C2orf76: variants seen among roughly 807,000 people sequenced by gnomAD.
C2orf76 encodes UPF0538 protein C2orf76.
A neutral mutation model predicts 16.9 loss-of-function variants in C2orf76; 23 were observed. The ratio of observed to expected loss-of-function variants is 1.36; its 90% CI spans 0.98 to 1.93. The LOEUF (loss-of-function observed/expected upper bound fraction) is 1.93, where lower values mean the gene tolerates loss of function less well. Among genes scored for constraint, C2orf76 ranks in the 30% most tolerant of loss-of-function variants. C2orf76 has a pLI of 0.00. For synonymous variants in C2orf76, 48 were observed against 52.3 expected (o/e 0.92, Z 0.35); for missense variants, 152 against 152.6 (o/e 1.00, Z 0.02).
chr2:119,285,684 T>C, the C2orf76 span, among the ~76,000 whole-genome samples: 2 of 152,176 alleles, frequency 1.3e-5, no homozygotes, highest in Admixed American at 6.5e-5. Flanking sequence ...CATCAAGCAA[T>C]TTGGGCAGAG....
At chr2:119,287,662 C>T in the C2orf76 span, among the ~76,000 whole-genome samples, 1 of 152,060 alleles carries the variant, frequency 6.6e-6, no homozygotes, top group Non-Finnish European at 1.5e-5. Context: ...TTTCTTGATT[C>T]CTTGAGTTTT....
chr2:119,311,751 T>A, intron 4 of C2orf76, 48 bp from the exon 5 acceptor site: 1 of 1,527,632 alleles, frequency 6.5e-7, no homozygotes, highest in South Asian at 1.2e-5. Flanking sequence ...TTACATGGGT[T>A]TGTTTGGTGA....
intron 2 of C2orf76, among the ~76,000 whole-genome samples, chr2:119,334,301 T>C (rs1395122796): frequency 7.3e-6 from 1 of 137,144 alleles, no homozygotes; most frequent in Non-Finnish European, 1.5e-5. Flanking sequence ...ACTGTAAGGG[T>C]GGCTACATGA....
At chr2:119,332,272 A>T (rs1330681538) in intron 2 of C2orf76, among the ~76,000 whole-genome samples, 1 of 127,400 alleles carries the variant, frequency 7.8e-6, no homozygotes, top group Non-Finnish European at 1.7e-5. Context: ...AGAAAGCATA[A>T]ACACCTAAAG....
At chr2:119,286,512 G>A in the C2orf76 span, among the ~76,000 whole-genome samples, 6 of 152,234 alleles carry the variant, frequency 3.9e-5, no homozygotes, top group Admixed American at 3.3e-4. Context: ...GAGAGCTGGG[G>A]GAGACAGGAG....
intron 1 of C2orf76, among the ~76,000 whole-genome samples, chr2:119,351,452 AAAC>A (rs1177395636): frequency 6.6e-6 from 1 of 152,190 alleles, no homozygotes; most frequent in Non-Finnish European, 1.5e-5. Context: ...ATAAGAGCTG[AAAC>A]AAGAAGGCAG....
chr2:119,311,658 G>T lies in C2orf76; in HGVS notation c.268C>A (p.Leu90Met). 1 of 1,612,776 alleles carries T rather than the reference G, an allele frequency of 6.2e-7. No individual in the cohort carries two copies. Residue 90 changes from leucine (L) to methionine (M), a missense_variant, in exon 5 of 6, where the codon CTG becomes ATG. Transcript: ENST00000334816. Reference protein sequence around the residue: ...LSLEDDERLLLKEDSTLKAAG... With the variant: ...LSLEDDERLLMKEDSTLKAAG... ...GCTTTCAGAGTGCTGTCTTCTTTCA[G>T]CAGGAGTCTTTCGTCATCTTCCAAA...
downstream of C2orf76, among the ~76,000 whole-genome samples, chr2:119,297,863 A>G (rs1270274857): frequency 6.6e-6 from 1 of 152,272 alleles, no homozygotes; most frequent in Non-Finnish European, 1.5e-5. Flanking sequence ...AACTCTAAAA[A>G]ATAGACATAG....
intron 2 of C2orf76, among the ~76,000 whole-genome samples, chr2:119,331,973 G>A (rs750071779): frequency 2.0e-4 from 30 of 152,050 alleles, no homozygotes; most frequent in African/African-American, 5.1e-4. Flanking sequence ...GGAAGGTCAC[G>A]AGAAGGTAAC....
At chr2:119,353,677 C>A (rs937799001) in intron 1 of C2orf76, among the ~76,000 whole-genome samples, 1 of 151,170 alleles carries the variant, frequency 6.6e-6, no homozygotes. Flanking sequence ...GATTCTCCTG[C>A]GCAGCCTCCA....
upstream of C2orf76, chr2:119,367,028 T>G (rs768436814): frequency 3.7e-6 from 6 of 1,614,024 alleles, no homozygotes; most frequent in Non-Finnish European, 5.1e-6. Context: ...GCTGTCTCCC[T>G]GGAGTTCTTG....
At chr2:119,303,712 TTTG>T (rs1464862926) in intron 5 of C2orf76, among the ~76,000 whole-genome samples, 1 of 152,218 alleles carries the variant, frequency 6.6e-6, no homozygotes, top group Non-Finnish European at 1.5e-5. Context: ...CAATTTAATG[TTTG>T]TTAATCATAA....
downstream of C2orf76, among the ~76,000 whole-genome samples, chr2:119,298,495 A>T (rs1166264278): frequency 6.7e-6 from 1 of 149,388 alleles, no homozygotes; most frequent in Non-Finnish European, 1.5e-5. Context: ...CTATTTTGAC[A>T]TCTAGTAGGC....
At chr2:119,366,096 A>G (rs949902823) in intron 1 of C2orf76, among the ~76,000 whole-genome samples, 1 of 151,990 alleles carries the variant, frequency 6.6e-6, no homozygotes, top group African/African-American at 2.4e-5. Flanking sequence ...ATTTAAAACT[A>G]TAAACTTCCA....
intron 5 of C2orf76, among the ~76,000 whole-genome samples, chr2:119,310,203 T>C (rs541900068): frequency 6.6e-6 from 1 of 152,372 alleles, no homozygotes; most frequent in South Asian, 2.1e-4. Flanking sequence ...ATATTCATTA[T>C]GCTTTATGCT....
At chr2:119,291,487 G>A in the C2orf76 span, among the ~76,000 whole-genome samples, 1 of 151,932 alleles carries the variant, frequency 6.6e-6, no homozygotes, top group African/African-American at 2.4e-5. Flanking sequence ...GCAACCAGAA[G>A]AAAGGGGATA....
At chr2:119,316,106 T>C (rs1679164421) in intron 4 of C2orf76, among the ~76,000 whole-genome samples, 1 of 152,250 alleles carries the variant, frequency 6.6e-6, no homozygotes, top group Non-Finnish European at 1.5e-5. Context: ...TATTTTATAT[T>C]TGTATTTGTA....
At chr2:119,321,352 C>T (rs563890396) in intron 2 of C2orf76, 148 bp from the exon 3 acceptor site, 3 of 513,170 alleles carry the variant, frequency 5.8e-6, no homozygotes, top group Non-Finnish European at 1.0e-5. Flanking sequence ...CACCGAAATC[C>T]AAGGGCCATC....
At chr2:119,321,009 A>C (rs1679323891) in intron 3 of C2orf76, 145 bp downstream of exon 3, 1 of 451,816 alleles carries the variant, frequency 2.2e-6, no homozygotes, top group Admixed American at 4.2e-5. Context: ...TTTCAGCAAT[A>C]TACTAGCATT....
Sources: allele counts gnomAD v4.1 joint callset (sites outside exome capture counted in the v4.1 genomes callset), GRCh38; gene constraint gnomAD v4.1.1; transcripts MANE v1.5; gene names NCBI Gene and HGNC (gene_info 2026-07-23, HGNC 2026-07-21).